The following DCUN1D3 variants were observed in gnomAD, a reference collection of about 807,000 sequenced individuals.
DCUN1D3 encodes the protein defective in cullin neddylation 1 domain containing 3, also known as DCN1-like protein 3.
Under a neutral mutation model 24.8 loss-of-function variants are expected in DCUN1D3, and 6 were observed. The observed-to-expected ratio is 0.24, with a 90% CI of 0.13 to 0.48. The LOEUF (loss-of-function observed/expected upper bound fraction) is 0.48, where lower values mean the gene tolerates loss of function less well. Among genes scored for constraint, DCUN1D3 ranks in the 20% least tolerant of loss-of-function variants. The probability of loss-of-function intolerance (pLI) is 0.99; values close to 1 mark genes in which losing one functional copy is unlikely to be tolerated. For synonymous variants in DCUN1D3, 120 were observed against 144.9 expected, an observed-to-expected ratio of 0.83 and a Z score of 1.24; for missense variants, 258 against 379.4, an observed-to-expected ratio of 0.68 and a Z score of 2.66.
intron 1 of DCUN1D3, among the ~76,000 whole-genome samples, chr16:20,889,980 CG>C (rs1289523314): frequency 2.2e-4 from 34 of 152,026 alleles, no homozygotes; most frequent in Non-Finnish European, 4.6e-4. Flanking sequence ...ATCAGAACTC[CG>C]AAACAATGAG....
At chr16:20,884,740 T>C (rs990138051) in intron 1 of DCUN1D3, among the ~76,000 whole-genome samples, 2 of 152,058 alleles carry the variant, frequency 1.3e-5, no homozygotes, top group African/African-American at 4.8e-5. Context: ...AAAATCGAAA[T>C]TTACAAAGTA....
At chr16:20,885,081 T>C (rs2081862397) in intron 1 of DCUN1D3, among the ~76,000 whole-genome samples, 1 of 151,154 alleles carries the variant, frequency 6.6e-6, no homozygotes, top group African/African-American at 2.4e-5. Context: ...GTTCAAGCAA[T>C]TCTCCTGCCT....
chr16:20,898,757 G>T (rs1338918014), intron 1 of DCUN1D3, among the ~76,000 whole-genome samples: 1 of 152,154 alleles, frequency 6.6e-6, no homozygotes. Flanking sequence ...CGAAAATGTA[G>T]GCACTATCTC....
intron 1 of DCUN1D3, among the ~76,000 whole-genome samples, chr16:20,871,475 G>C (rs1412838459): frequency 1.3e-5 from 2 of 152,188 alleles, no homozygotes; most frequent in African/African-American, 4.8e-5. Flanking sequence ...AGCCAGTTTA[G>C]CATAAAGTCA....
Position 20,855,827 on chromosome 16 carries a change from G to A in DCUN1D3, c.*4059C>T, listed in dbSNP as rs934461554. The stretch of plus-strand genomic sequence containing the variant: ...AGGATCAATGTCGCATTTCCTCAAT[G>A]AGTCCCAATTAACACAATTCAACAA... On this transcript the variant is annotated 3_prime_UTR_variant, in exon 3 of 3. Transcript: ENST00000324344. 4 of 152,202 alleles carry A rather than the reference G, an allele frequency of 2.6e-5. No homozygotes were observed. The highest frequency in any genetic ancestry group is 9.7e-5 in the African/African-American group (4 of 41,440). 9.4% of individuals were successfully genotyped at this position (152,202 alleles called of 1,614,324 possible). A position where few individuals can be genotyped will look rare whatever the true frequency, so the allele number is the denominator to read the frequency against.
At chr16:20,876,447 A>C (rs1051405486) in intron 1 of DCUN1D3, among the ~76,000 whole-genome samples, 27 of 145,474 alleles carry the variant, frequency 1.9e-4, no homozygotes, top group African/African-American at 5.1e-4. Flanking sequence ...AAAAAAAAAA[A>C]CAGAATAATG....
intron 1 of DCUN1D3, among the ~76,000 whole-genome samples, chr16:20,893,144 T>C (rs1794115211): frequency 6.6e-6 from 1 of 152,104 alleles, no homozygotes; most frequent in African/African-American, 2.4e-5. Context: ...GCCTAGAGCT[T>C]GCTCTGTAAC....
At chr16:20,863,255 C>T (rs2081742863) in intron 1 of DCUN1D3, among the ~76,000 whole-genome samples, 1 of 152,190 alleles carries the variant, frequency 6.6e-6, no homozygotes, top group Non-Finnish European at 1.5e-5. Context: ...CCTTGCTTTG[C>T]CCTACTCCAT....
rs1048239043 is a variant in DCUN1D3 at position 20,856,542 on chromosome 16, G to A, written c.*3344C>T. The A allele has an allele frequency of 1.3e-5, 2 of 152,098 alleles. No individual in the cohort carries two copies. Among genetic ancestry groups the A allele is most frequent in the African/African-American group, 4.8e-5 (2 of 41,402 alleles). 9.4% of individuals were successfully genotyped at this position (152,098 alleles called of 1,614,324 possible). ...AATTGTTATTTTCCTGGGCCCAGGG[G>A]TTTGGTTAAAATTTAGATCTTCACC... On this transcript the variant is annotated 3_prime_UTR_variant, in exon 3 of 3. Coordinates refer to ENST00000324344, the MANE Select transcript of DCUN1D3 (RefSeq NM_173475.4).
chr16:20,878,449 T>C (rs533567201), intron 1 of DCUN1D3, among the ~76,000 whole-genome samples: 4 of 152,322 alleles, frequency 2.6e-5, no homozygotes, highest in African/African-American at 7.2e-5. Context: ...CAGGGTGTTA[T>C]GTCCAAGGGT....
intron 1 of DCUN1D3, among the ~76,000 whole-genome samples, chr16:20,895,268 T>A (rs200657880): frequency 8.1e-4 from 5 of 6,180 alleles, no homozygotes; most frequent in East Asian, 0.12. Context: ...CTAAGTTTTT[T>A]AAATTTTTTT....
intron 1 of DCUN1D3, among the ~76,000 whole-genome samples, chr16:20,888,454 G>A (rs763349554): frequency 2.6e-5 from 4 of 152,124 alleles, no homozygotes; most frequent in Admixed American, 6.6e-5. Context: ...AAGGCACTAT[G>A]TACATCTATT....
Position 20,900,199 on chromosome 16 carries a change from C to T in DCUN1D3, c.-106+5G>A, listed in dbSNP as rs1457600864. On this transcript the variant is annotated splice_donor_5th_base_variant and intron_variant, in intron 1 of 2. Transcript: ENST00000324344. ...TCCTCAACTCCCCCCCTCCCCAAAA[C>T]TCACAGCTGCTCCAGAGGTTCCTCC... 1 of 143,484 alleles carries T rather than the reference C, an allele frequency of 7.0e-6. No homozygotes were observed. Among genetic ancestry groups the T allele is most frequent in the Admixed American group, 7.1e-5 (1 of 14,120 alleles). The allele number at this position is 143,484 out of a possible 1,614,324, so 8.9% of individuals were successfully genotyped here.
At chr16:20,890,459 CA>C (rs200001420) in intron 1 of DCUN1D3, among the ~76,000 whole-genome samples, 1 of 151,438 alleles carries the variant, frequency 6.6e-6, no homozygotes, top group African/African-American at 2.4e-5. Context: ...TCCATCTCTA[CA>C]AAAAAAAAAT....
At chr16:20,894,315 GT>G (rs1239028313) in intron 1 of DCUN1D3, among the ~76,000 whole-genome samples, 1 of 152,090 alleles carries the variant, frequency 6.6e-6, no homozygotes, top group Non-Finnish European at 1.5e-5. Context: ...AAAGGGGCAG[GT>G]TTTTTCAACA....
chr16:20,867,448 G>T (rs980360213), intron 1 of DCUN1D3, among the ~76,000 whole-genome samples: 10 of 152,210 alleles, frequency 6.6e-5, no homozygotes, highest in Admixed American at 3.3e-4. Context: ...ACGAGAATTA[G>T]TCCAGATGCC....
At chr16:20,886,232 G>C (rs1248793297) in intron 1 of DCUN1D3, among the ~76,000 whole-genome samples, 2 of 152,096 alleles carry the variant, frequency 1.3e-5, no homozygotes, top group African/African-American at 2.4e-5. Context: ...AAGTCTTTAA[G>C]TCCTGAAATC....
Position 20,862,217 on chromosome 16 carries a change from C to G in DCUN1D3, c.322G>C (p.Glu108Gln). Residue 108 changes from glutamate (E) to glutamine (Q), a missense_variant, in exon 2 of 3, where the codon GAG (glutamate) becomes CAG (glutamine). Physicochemically the swap from Glu to Gln is conservative, Grantham distance 29. Transcript: ENST00000324344. ...YKDEREDAIL[E>Q]EGMERFCNDL... ...TTGCAAAAGCGCTCCATGCCTTCCT[C>G]CAAAATTGCATCTTCCCGCTCATCC... is the stretch of plus-strand genomic sequence containing the variant. 1 of 1,614,242 alleles carries G rather than the reference C, an allele frequency of 6.2e-7. No homozygotes were observed. The highest frequency in any genetic ancestry group is 8.5e-7 in the Non-Finnish European group (1 of 1,180,044).
intron 1 of DCUN1D3, among the ~76,000 whole-genome samples, chr16:20,877,666 C>T (rs777420556): frequency 3.9e-5 from 6 of 152,146 alleles, no homozygotes; most frequent in African/African-American, 7.2e-5. Context: ...TTCTCACACA[C>T]AATTAATACT....
Sources: gnomAD v4.1 joint callset for allele counts (sites outside exome capture counted in the v4.1 genomes callset) on GRCh38, gnomAD v4.1.1 for gene constraint, MANE v1.5 for transcripts, NCBI Gene and HGNC (gene_info 2026-07-23, HGNC 2026-07-21) for gene names.